ITGAE: variants seen among roughly 807,000 people sequenced by gnomAD.
The protein encoded by ITGAE is integrin subunit alpha E, also known as integrin alpha-E.
In ITGAE, 99 loss-of-function variants were observed where a neutral mutation model predicts 136.5. The ratio of observed to expected loss-of-function variants is 0.73; its 90% confidence interval spans 0.62 to 0.86. The LOEUF is 0.86. ITGAE is among the 40% of genes least tolerant of loss of function. The probability of loss-of-function intolerance (pLI) is 0.00; values close to 1 mark genes in which losing one functional copy is unlikely to be tolerated. For synonymous variants in ITGAE, 613 were observed against 591.8 expected (o/e 1.04, Z -0.52); for missense variants, 1,447 against 1,515.3 (o/e 0.95, Z 0.75).
In ITGAE at chr17:3,798,654, C is replaced by G. The variant is rs944683571; in HGVS notation, c.34+2457G>C. Reference sequence around the variant, plus strand: ...CTGGCCTCAGCCCGAGTGCGTGCCACCAGCAGAGCGGGCCCTGGACTTCTG... The same window carrying G: ...CTGGCCTCAGCCCGAGTGCGTGCCAGCAGCAGAGCGGGCCCTGGACTTCTG... On this transcript the variant is annotated intron_variant, in intron 1 of 30. Transcript: ENST00000263087. This position sits in a 1 kb window ranked among gnomAD's most constrained non-coding sequence, Gnocchi z 4.3. Among the ~76,000 whole-genome samples, 1 of 152,214 alleles carries G rather than the reference C, an allele frequency of 6.6e-6. No homozygotes were observed. The highest frequency in any genetic ancestry group is 2.4e-5 in the African/African-American group (1 of 41,450).
chr17:3,753,983 T>C, intron 12 of ITGAE, 58 bp from the exon 13 acceptor site: 1 of 1,577,706 alleles, frequency 6.3e-7, no homozygotes, highest in Non-Finnish European at 8.7e-7. Flanking sequence ...GGCCTCTCTC[T>C]TGGCCCCGGC....
intron 1 of ITGAE, among the ~76,000 whole-genome samples, chr17:3,783,423 C>T (rs2052709695): frequency 6.6e-6 from 1 of 152,198 alleles, no homozygotes; most frequent in African/African-American, 2.4e-5. Flanking sequence ...GGATTACAGG[C>T]GTGAGCCACC....
intron 2 of ITGAE, among the ~76,000 whole-genome samples, chr17:3,777,189 CT>C (rs921558529): frequency 6.6e-6 from 1 of 151,830 alleles, no homozygotes; most frequent in Non-Finnish European, 1.5e-5. Context: ...TCTCAATCTC[CT>C]GACCTCGTGA....
chr17:3,733,138 C>T (rs2051384720), intron 21 of ITGAE, among the ~76,000 whole-genome samples: 1 of 152,114 alleles, frequency 6.6e-6, no homozygotes, highest in African/African-American at 2.4e-5. Flanking sequence ...TGCCCACCAC[C>T]ACGCCCGGCT....
intron 2 of ITGAE, among the ~76,000 whole-genome samples, chr17:3,766,223 C>T (rs1212664244): frequency 6.6e-6 from 1 of 152,102 alleles, no homozygotes; most frequent in East Asian, 1.9e-4. Flanking sequence ...CCCAAGGAGG[C>T]CTCTCCCATC....
intron 15 of ITGAE, 123 bp from the exon 16 acceptor site, chr17:3,750,605 T>C: frequency 8.5e-7 from 1 of 1,172,034 alleles, no homozygotes; most frequent in African/African-American, 1.5e-5. Context: ...GCCCCGAGTC[T>C]AGAACCAGGA....
intron 2 of ITGAE, among the ~76,000 whole-genome samples, chr17:3,771,447 C>T (rs771424247): frequency 1.3e-5 from 2 of 151,692 alleles, no homozygotes; most frequent in Non-Finnish European, 2.9e-5. Context: ...CCGCAGCTCA[C>T]GTGCCCTTGA....
At chr17:3,800,659 T>A (rs559814679) in intron 1 of ITGAE, among the ~76,000 whole-genome samples, 3 of 152,036 alleles carry the variant, frequency 2.0e-5, no homozygotes, top group African/African-American at 7.2e-5. Context: ...ATACAGACAC[T>A]TGCCCCCAGT....
chr17:3,723,935 C>T (rs753184115), intron 26 of ITGAE, 191 bp from the exon 27 acceptor site: 1 of 1,550,098 alleles, frequency 6.5e-7, no homozygotes, highest in African/African-American at 1.4e-5. Flanking sequence ...GGGTGCCGGC[C>T]ATGGCGGCTT....
chr17:3,797,683 A>G (rs1478079372), intron 1 of ITGAE, among the ~76,000 whole-genome samples: 75 of 141,460 alleles, frequency 5.3e-4, no homozygotes, highest in Non-Finnish European at 1.2e-4. Context: ...ATGGTCTTGA[A>G]CTCCTGATCA....
chr17:3,760,430 C>CTTTTTTT lies in ITGAE; in HGVS notation c.599-150_599-144dup, dbSNP rs1208333239. 29 of 64,218 alleles carry CTTTTTTT rather than the reference C, an allele frequency of 4.5e-4. 5 individuals carry two copies. The highest frequency in any genetic ancestry group is 8.9e-4 in the South Asian group (3 of 3,366). The allele number at this position is 64,218 out of a possible 1,614,324, so 4.0% of individuals were successfully genotyped here. On this transcript the variant is annotated intron_variant, in intron 6 of 30. Transcript: ENST00000263087. Reference sequence around the variant, plus strand: ...GTTGGAGAAGCTCCCAAGAGGGAAGCTTTTTTTTTTTTTTTTTTTTTTTTT... The same window carrying CTTTTTTT: ...GTTGGAGAAGCTCCCAAGAGGGAAGCTTTTTTTTTTTTTTTTTTTTTTTTTTTTTTTT...
Position 3,751,727 on chromosome 17 carries a change from C to T in ITGAE, c.1816G>A (p.Ala606Thr). The T allele has an allele frequency of 1.9e-6, 3 of 1,614,026 alleles. No homozygotes were observed. Among genetic ancestry groups the T allele is most frequent in the Non-Finnish European group, 2.5e-6 (3 of 1,179,960 alleles). ...AIGAPLEGFG[A>T]DDGASFGSVY... ...CTGCCGAAGCTGGCACCATCATCTG[C>T]CCCAAAACCTTCCAGGGGGGCCCCG... The change falls in exon 15 of 31, where the codon GCA becomes ACA. Residue 606 changes from alanine (A) to threonine (T), a missense_variant. Physicochemically the swap from Ala to Thr is moderately conservative, Grantham distance 58. This residue lies in a region of ITGAE where 1,031 missense variants were observed against 1,011.4 expected (regional missense o/e 1.02). Coordinates refer to ENST00000263087, the MANE Select transcript of ITGAE (RefSeq NM_002208.5).
intron 26 of ITGAE, chr17:3,726,411 C>T: frequency 1.1e-6 from 1 of 941,442 alleles, no homozygotes; most frequent in Non-Finnish European, 1.6e-6. Context: ...TCCATCCCCA[C>T]AGGAGGGTGG....
intron 1 of ITGAE, among the ~76,000 whole-genome samples, chr17:3,780,320 G>A (rs970930347): frequency 1.3e-5 from 2 of 152,024 alleles, no homozygotes; most frequent in Admixed American, 6.6e-5. Flanking sequence ...ACAGGCGCCT[G>A]CCCGGCTAAT....
chr17:3,732,680 G>A (rs2051372832), intron 21 of ITGAE, among the ~76,000 whole-genome samples: 4 of 152,326 alleles, frequency 2.6e-5, no homozygotes, highest in South Asian at 2.1e-4. Context: ...TTAAATACAA[G>A]GTCGAAGGGG....
At chr17:3,716,157 C>T (rs1166121742) in intron 30 of ITGAE, among the ~76,000 whole-genome samples, 4 of 141,514 alleles carry the variant, frequency 2.8e-5, no homozygotes, top group Non-Finnish European at 4.6e-5. Context: ...GGCGAAAGAG[C>T]GGAACTCCGT....
Position 3,751,820 on chromosome 17 carries a change from C to A in ITGAE, c.1723G>T (p.Ala575Ser). Residue 575 changes from alanine (A) to serine (S), a missense_variant, in exon 15 of 31, where the codon GCC becomes TCC. Transcript: ENST00000263087. ...GCCGCCATGGCAAAGCCAAAGCGGG[C>A]ATTGGTGAACCCGGGGTGCCCACTC... is the stretch of plus-strand genomic sequence containing the variant. ...ILSGHPGFTN[A>S]RFGFAMAAMG... 6.2e-7 allele frequency: 1 copy of A among 1,614,124 alleles called. No individual in the cohort carries two copies. Among genetic ancestry groups the A allele is most frequent in the Non-Finnish European group, 8.5e-7 (1 of 1,179,990 alleles).
chr17:3,763,568 C>T (rs2737139), intron 3 of ITGAE, among the ~76,000 whole-genome samples: 17,117 of 151,972 alleles, frequency 0.11, 1,046 homozygotes, highest in African/African-American at 0.14. Context: ...ATAAATGGCG[C>T]GGTTTTGAGG....
At chr17:3,775,634 T>C (rs1248297035) in intron 2 of ITGAE, among the ~76,000 whole-genome samples, 1 of 151,856 alleles carries the variant, frequency 6.6e-6, no homozygotes, top group Non-Finnish European at 1.5e-5. Flanking sequence ...TAATTTTTTT[T>C]TTTTTTGTAT....
Sources: gnomAD v4.1 joint callset for allele counts (sites outside exome capture counted in the v4.1 genomes callset) on GRCh38, gnomAD v4.1.1 for gene constraint, gnomAD v4.1.1 regional missense constraint, Gnocchi (gnomAD v3.1) non-coding constraint, MANE v1.5 for transcripts, NCBI Gene and HGNC (gene_info 2026-07-23, HGNC 2026-07-21) for gene names.